Variants in HEMK2 observed in about 807,000 individuals in gnomAD.
HEMK2 encodes the protein methyltransferase HEMK2.
At chr21:28,599,743 G>C in the HEMK2 span, among the ~76,000 whole-genome samples, 1 of 152,140 alleles carries the variant, frequency 6.6e-6, no homozygotes, top group Non-Finnish European at 1.5e-5. Context: ...CCACCTATGA[G>C]CCGGTAAAAT....
chr21:28,643,506 C>G, the HEMK2 span, among the ~76,000 whole-genome samples: 2 of 152,074 alleles, frequency 1.3e-5, no homozygotes, highest in Admixed American at 1.3e-4. Flanking sequence ...AGAAAGACCC[C>G]TTCTCTAGAG....
At chr21:28,686,143 G>C in the HEMK2 span, among the ~76,000 whole-genome samples, 5 of 152,166 alleles carry the variant, frequency 3.3e-5, no homozygotes, top group Admixed American at 1.3e-4. Context: ...TTTGGTGAAG[G>C]AGAGAATCTG....
the HEMK2 span, among the ~76,000 whole-genome samples, chr21:28,635,628 A>T: frequency 3.3e-4 from 50 of 152,296 alleles, no homozygotes; most frequent in Non-Finnish European, 6.5e-4. Context: ...CATCTTATTT[A>T]AAAATAACTC....
chr21:28,748,102 G>A, the HEMK2 span, among the ~76,000 whole-genome samples: 2 of 152,142 alleles, frequency 1.3e-5, no homozygotes, highest in South Asian at 4.1e-4. Flanking sequence ...CGATGCTGAG[G>A]ACTACTAGAG....
the HEMK2 span, among the ~76,000 whole-genome samples, chr21:28,709,485 A>C: frequency 3.3e-5 from 5 of 152,274 alleles, no homozygotes; most frequent in Admixed American, 2.0e-4. Context: ...GGCTGTTATA[A>C]AAGACAACCA....
chr21:28,830,081 A>G, the HEMK2 span, among the ~76,000 whole-genome samples: 2 of 152,164 alleles, frequency 1.3e-5, no homozygotes, highest in Non-Finnish European at 2.9e-5. Flanking sequence ...GGCTGAGAGT[A>G]TATCTTATAT....
chr21:28,713,430 G>A, the HEMK2 span, among the ~76,000 whole-genome samples: 2 of 152,116 alleles, frequency 1.3e-5, no homozygotes, highest in African/African-American at 2.4e-5. Flanking sequence ...CCTATTCCGC[G>A]TTGACTCTCA....
At chr21:28,683,895 G>A in the HEMK2 span, among the ~76,000 whole-genome samples, 1 of 152,182 alleles carries the variant, frequency 6.6e-6, no homozygotes. Flanking sequence ...ATATTCTGAA[G>A]TCTGGCATCA....
At chr21:28,779,829 T>C in the HEMK2 span, among the ~76,000 whole-genome samples, 1 of 152,236 alleles carries the variant, frequency 6.6e-6, no homozygotes, top group Non-Finnish European at 1.5e-5. Flanking sequence ...ACTTAGCTCC[T>C]GGCCTCCTCT....
At chr21:28,624,629 T>C in the HEMK2 span, among the ~76,000 whole-genome samples, 3 of 152,288 alleles carry the variant, frequency 2.0e-5, no homozygotes, top group Non-Finnish European at 4.4e-5. Flanking sequence ...CAAGTGACTA[T>C]GATTATTTGG....
chr21:28,634,786 AAATT>A, the HEMK2 span, among the ~76,000 whole-genome samples: 2 of 152,202 alleles, frequency 1.3e-5, no homozygotes, highest in Admixed American at 6.5e-5. Flanking sequence ...TATAAGGATA[AAATT>A]AATTAATATA....
the HEMK2 span, among the ~76,000 whole-genome samples, chr21:28,645,529 T>C: frequency 6.6e-6 from 1 of 151,862 alleles, no homozygotes; most frequent in Non-Finnish European, 1.5e-5. Flanking sequence ...CATGGTCCCC[T>C]AAATTTCTGC....
At chr21:28,646,288 T>A in the HEMK2 span, among the ~76,000 whole-genome samples, 1 of 152,162 alleles carries the variant, frequency 6.6e-6, no homozygotes, top group Non-Finnish European at 1.5e-5. Flanking sequence ...AACCCATAAA[T>A]AGTGAGCTGG....
At chr21:28,617,195 G>A in the HEMK2 span, among the ~76,000 whole-genome samples, 422 of 152,314 alleles carry the variant, frequency 2.8e-3, 2 homozygotes, top group Non-Finnish European at 4.0e-3. Context: ...TGAAGATCTA[G>A]AAGAACCTTC....
At chr21:28,856,443 A>G in the HEMK2 span, among the ~76,000 whole-genome samples, 1 of 152,176 alleles carries the variant, frequency 6.6e-6, no homozygotes, top group South Asian at 2.1e-4. Context: ...AATAATAATT[A>G]AGGTTATTTT....
At chr21:28,841,068 ATAT>A in the HEMK2 span, among the ~76,000 whole-genome samples, 11 of 39,068 alleles carry the variant, frequency 2.8e-4, no homozygotes, top group Admixed American at 1.4e-3. Flanking sequence ...ATATAAATAA[ATAT>A]TATATATTAT....
chr21:28,667,424 A>C, the HEMK2 span, among the ~76,000 whole-genome samples: 1 of 152,164 alleles, frequency 6.6e-6, no homozygotes, highest in Admixed American at 6.5e-5. Flanking sequence ...GGAAAGAGAG[A>C]ATAAAGAAGC....
the HEMK2 span, among the ~76,000 whole-genome samples, chr21:28,679,639 C>T: frequency 3.7e-4 from 57 of 152,252 alleles, no homozygotes; most frequent in East Asian, 5.8e-3. Flanking sequence ...AAATTGACCA[C>T]ATAGTTGGAA....
chr21:28,783,181 G>A, the HEMK2 span, among the ~76,000 whole-genome samples: 1 of 151,974 alleles, frequency 6.6e-6, no homozygotes. Flanking sequence ...TATACGCATA[G>A]CCTGAAAGAA....
Sources: gnomAD v4.1 joint callset for allele counts (sites outside exome capture counted in the v4.1 genomes callset) on GRCh38, gnomAD v4.1.1 for gene constraint, MANE v1.5 for transcripts, NCBI Gene and HGNC (gene_info 2026-07-23, HGNC 2026-07-21) for gene names.